Variants in SLC38A11 observed in about 807,000 individuals in gnomAD.
The protein encoded by SLC38A11 is solute carrier family 38 member 11, also known as putative sodium-coupled neutral amino acid transporter 11.
In SLC38A11, 51 loss-of-function variants were observed where a neutral mutation model predicts 49.4. The ratio of observed to expected loss-of-function variants is 1.03; its 90% CI spans 0.83 to 1.30. The LOEUF is 1.30. SLC38A11 is among the 50% of genes most tolerant of loss of function. The pLI, the probability that SLC38A11 is intolerant of heterozygous loss-of-function variation, is 0.00. For missense variants in SLC38A11, 574 were observed against 556.2 expected, an observed-to-expected ratio of 1.03 and a Z score of -0.32; for synonymous variants, 203 against 192.9, an observed-to-expected ratio of 1.05 and a Z score of -0.43.
chr2:164,915,721 T>G, intron 8 of SLC38A11, 182 bp downstream of exon 8: 1 of 542,596 alleles, frequency 1.8e-6, no homozygotes, highest in Non-Finnish European at 3.4e-6. Context: ...GAAGCAAATT[T>G]TAGTGATGAG....
intron 7 of SLC38A11, among the ~76,000 whole-genome samples, chr2:164,918,589 AT>A (rs2105467863): frequency 6.6e-6 from 1 of 152,338 alleles, no homozygotes; most frequent in Admixed American, 6.5e-5. Flanking sequence ...AGGATGTTCA[AT>A]ATCACTGCAT....
intron 9 of SLC38A11, among the ~76,000 whole-genome samples, chr2:164,914,056 G>A (rs549325404): frequency 1.3e-5 from 2 of 152,130 alleles, no homozygotes; most frequent in Non-Finnish European, 2.9e-5. Context: ...GGTCATGGTT[G>A]ACCAAAACAG....
intron 7 of SLC38A11, among the ~76,000 whole-genome samples, chr2:164,929,820 G>T (rs10930140): frequency 0.41 from 62,519 of 151,758 alleles, 14,035 homozygotes; most frequent in South Asian, 0.73. Flanking sequence ...AAAGTTAGAA[G>T]GATCTCAATT....
intron 11 of SLC38A11, among the ~76,000 whole-genome samples, chr2:164,901,325 A>C (rs758407175): frequency 2.0e-5 from 3 of 152,052 alleles, no homozygotes; most frequent in Admixed American, 2.0e-4. Flanking sequence ...AATTATGTTG[A>C]ATTTGTATAT....
At chr2:164,901,336 T>C (rs1395664055) in intron 11 of SLC38A11, among the ~76,000 whole-genome samples, 2 of 152,190 alleles carry the variant, frequency 1.3e-5, no homozygotes, top group Non-Finnish European at 1.5e-5. Context: ...ATTTGTATAT[T>C]GCTTTGGGTA....
Position 164,898,597 on chromosome 2 carries a change from A to T in SLC38A11, c.1229T>A (p.Val410Asp). The T allele has an allele frequency of 1.2e-6, 2 of 1,613,658 alleles. No homozygotes were observed. The highest frequency in any genetic ancestry group is 1.7e-6 in the Non-Finnish European group (2 of 1,179,746). The part of the protein sequence containing the change: ...VMLPIGAVVM[V>D]FGFVMAITNT... ...TGTAATAGCCATGACGAATCCAAAA[A>T]CCATCACCACAGCACCAATGGGAAG... Residue 410 changes from valine (V) to aspartate (D), a missense_variant, in exon 12 of 12, where the codon GTT becomes GAT. By Grantham distance (152) the Val-to-Asp change is radical. Transcript: ENST00000685975.
chr2:164,943,943 AC>A (rs1173599807), intron 5 of SLC38A11, among the ~76,000 whole-genome samples: 3 of 151,648 alleles, frequency 2.0e-5, no homozygotes, highest in Non-Finnish European at 4.4e-5. Flanking sequence ...TGCAGCCTCC[AC>A]CTCCTGGGCT....
intron 11 of SLC38A11, among the ~76,000 whole-genome samples, chr2:164,899,274 G>A (rs1684502203): frequency 1.3e-5 from 2 of 152,088 alleles, no homozygotes; most frequent in South Asian, 4.1e-4. Flanking sequence ...ACATGAAATA[G>A]CATTTCTAAA....
chr2:164,923,165 C>A (rs995033035), intron 7 of SLC38A11, among the ~76,000 whole-genome samples: 26 of 152,114 alleles, frequency 1.7e-4, no homozygotes, highest in Admixed American at 4.6e-4. Flanking sequence ...TTGGCCTTGG[C>A]GAGGAATTTA....
intron 7 of SLC38A11, among the ~76,000 whole-genome samples, chr2:164,925,497 C>T (rs1686508794): frequency 6.6e-6 from 1 of 152,180 alleles, no homozygotes; most frequent in Non-Finnish European, 1.5e-5. Context: ...CAGTTTTCCA[C>T]ATCACCCTCT....
rs1021216249 is a variant in SLC38A11, at chr2:164,955,251, T to C, written c.-4A>G. The C allele has an allele frequency of 6.4e-7, 1 of 1,550,398 alleles. No homozygotes were observed. Among genetic ancestry groups the C allele is most frequent in the African/African-American group, 1.4e-5 (1 of 73,030 alleles). On this transcript the variant is annotated 5_prime_UTR_variant, in exon 1 of 12. Transcript: ENST00000685975. ...GCTCCTGCCTCTGGTAGCCCATGGC[T>C]GAGCGGTGGTCCTCAGCAGGTGGAA...
intron 11 of SLC38A11, among the ~76,000 whole-genome samples, chr2:164,901,373 C>A (rs1684640813): frequency 6.6e-6 from 1 of 152,026 alleles, no homozygotes. Context: ...AATATTAATT[C>A]CATCCACAGG....
chr2:164,947,117 C>CTTTTTTTTTTTTTTT lies in SLC38A11; in HGVS notation c.230-1405_230-1391dup, dbSNP rs200284770. Among the ~76,000 whole-genome samples the CTTTTTTTTTTTTTTT allele has an allele frequency of 4.0e-4, 29 of 72,902 alleles. 3 individuals carry two copies. The highest frequency in any genetic ancestry group is 1.3e-3 in the African/African-American group (17 of 12,988). 47.8% of individuals were successfully genotyped at this position (72,902 alleles called of 152,430 possible). A position where few individuals can be genotyped will look rare whatever the true frequency, so the allele number is the denominator to read the frequency against. On this transcript the variant is annotated intron_variant, in intron 3 of 11. Coordinates refer to ENST00000685975, the MANE Select transcript of SLC38A11 (RefSeq NM_001351537.2). ...CCTGGATTCTTGGACTTTTTTATCT[C>CTTTTTTTTTTTTTTT]TTTTTTTTTTTTTTTTTTTTTTTTT...
chr2:164,952,059 A>G (rs187356278), intron 3 of SLC38A11, among the ~76,000 whole-genome samples: 67 of 152,272 alleles, frequency 4.4e-4, no homozygotes, highest in African/African-American at 1.5e-3. Flanking sequence ...TGGGATGACA[A>G]GGCGGGGACG....
intron 11 of SLC38A11, among the ~76,000 whole-genome samples, chr2:164,906,022 C>A (rs1684979407): frequency 6.6e-6 from 1 of 151,914 alleles, no homozygotes; most frequent in South Asian, 2.1e-4. Flanking sequence ...ATTAACTTTA[C>A]AGAAAGTAAT....
intron 7 of SLC38A11, among the ~76,000 whole-genome samples, chr2:164,931,241 CAA>C (rs71028455): frequency 0.013 from 940 of 74,790 alleles, 4 homozygotes; most frequent in East Asian, 0.027. Context: ...TGATCCCCCA[CAA>C]AAAAAAAAAA....
chr2:164,944,166 G>C (rs549208915), intron 5 of SLC38A11, among the ~76,000 whole-genome samples: 1 of 152,180 alleles, frequency 6.6e-6, no homozygotes, highest in South Asian at 2.1e-4. Context: ...ACAGAATACA[G>C]ATTTTAAAGG....
chr2:164,922,969 T>C (rs547635352), intron 7 of SLC38A11, among the ~76,000 whole-genome samples: 1 of 152,110 alleles, frequency 6.6e-6, no homozygotes, highest in Admixed American at 6.6e-5. Context: ...AAATAAGCAA[T>C]GGGGAGAGGA....
intron 11 of SLC38A11, 115 bp from the exon 12 acceptor site, chr2:164,898,845 G>T: frequency 1.0e-6 from 1 of 954,898 alleles, no homozygotes; most frequent in Non-Finnish European, 1.5e-6. Context: ...CATGTGATAG[G>T]TTCAGTTGAA....
Sources: allele counts gnomAD v4.1 joint callset (sites outside exome capture counted in the v4.1 genomes callset), GRCh38; gene constraint gnomAD v4.1.1; transcripts MANE v1.5; gene names NCBI Gene and HGNC (gene_info 2026-07-23, HGNC 2026-07-21).